The following ROBO1 variants were observed in gnomAD, a reference collection of about 807,000 sequenced individuals.
ROBO1 encodes the protein roundabout guidance receptor 1.
In ROBO1, 149 loss-of-function variants were observed where a neutral mutation model predicts 195.9. The ratio of observed to expected loss-of-function variants is 0.76; its 90% CI spans 0.67 to 0.87. The LOEUF is 0.87. Among genes scored for constraint, ROBO1 ranks in the 40% least tolerant of loss-of-function variants. The probability of loss-of-function intolerance (pLI) is 0.00; values close to 1 mark genes in which losing one functional copy is unlikely to be tolerated. For missense variants in ROBO1, 1,933 were observed against 2,068.3 expected, an observed-to-expected ratio of 0.93 and a Z score of 1.27; for synonymous variants, 816 against 733.2, an observed-to-expected ratio of 1.11 and a Z score of -1.82.
chr3:79,582,450 A>G (rs1943692204), intron 2 of ROBO1, among the ~76,000 whole-genome samples: 1 of 151,960 alleles, frequency 6.6e-6, no homozygotes. Context: ...TTGGTTTTTA[A>G]TAGTTTTCAT....
intron 2 of ROBO1, among the ~76,000 whole-genome samples, chr3:79,179,483 T>C (rs1365736794): frequency 6.6e-6 from 1 of 152,190 alleles, no homozygotes; most frequent in Non-Finnish European, 1.5e-5. Flanking sequence ...CTGCCTCCTA[T>C]TGCAGACATC....
At chr3:79,096,691 C>T (rs1189506046) in intron 3 of ROBO1, among the ~76,000 whole-genome samples, 5 of 149,792 alleles carry the variant, frequency 3.3e-5, no homozygotes, top group African/African-American at 1.2e-4. Flanking sequence ...TGTATACGTA[C>T]ACACATATTT....
intron 4 of ROBO1, among the ~76,000 whole-genome samples, chr3:78,898,628 A>T (rs556154934): frequency 2.5e-4 from 38 of 151,710 alleles, no homozygotes; most frequent in Non-Finnish European, 4.3e-4. Flanking sequence ...TGACCTCGTG[A>T]TCTGCCCACC....
chr3:79,032,632 A>T (rs777974926), intron 3 of ROBO1, among the ~76,000 whole-genome samples: 1 of 152,052 alleles, frequency 6.6e-6, no homozygotes, highest in African/African-American at 2.4e-5. Flanking sequence ...TTCTCTAAAG[A>T]TTGGATAACA....
chr3:78,662,961 T>C (rs1321757403), intron 14 of ROBO1, among the ~76,000 whole-genome samples: 1 of 152,090 alleles, frequency 6.6e-6, no homozygotes, highest in Admixed American at 6.5e-5. Context: ...AACACAGATG[T>C]TTTGCTTTGT....
Position 79,247,129 on chromosome 3 carries a change from G to GTTTTGTTT in ROBO1, c.89-121591_89-121590insAAACAAAA, listed in dbSNP as rs1553706668. On this transcript the variant is annotated intron_variant, in intron 2 of 30. Transcript: ENST00000464233. The stretch of plus-strand genomic sequence containing the variant: ...AAAAGCATTAAGGCTCCTGTTTACT[G>GTTTTGTTT]TTTTTTTTTTTTTGTAAGAAGTATA... Among the ~76,000 whole-genome samples, 137 of 134,798 alleles carry GTTTTGTTT rather than the reference G, an allele frequency of 1.0e-3. 2 individuals are homozygous for GTTTTGTTT. The highest frequency in any genetic ancestry group is 3.2e-3 in the African/African-American group (114 of 36,152). 88.4% of individuals were successfully genotyped at this position (134,798 alleles called of 152,430 possible). A position where few individuals can be genotyped will look rare whatever the true frequency, so the allele number is the denominator to read the frequency against.
At chr3:78,694,930 C>A (rs1012106803) in intron 8 of ROBO1, among the ~76,000 whole-genome samples, 1 of 151,876 alleles carries the variant, frequency 6.6e-6, no homozygotes, top group Non-Finnish European at 1.5e-5. Flanking sequence ...AATATTTTCA[C>A]GTATTTTCAG....
chr3:79,073,274 G>C (rs1408768802), intron 3 of ROBO1, among the ~76,000 whole-genome samples: 2 of 151,906 alleles, frequency 1.3e-5, no homozygotes. Flanking sequence ...TAATGCATAA[G>C]ATATTAGAAA....
chr3:79,053,677 C>G (rs2078748162), intron 3 of ROBO1, among the ~76,000 whole-genome samples: 1 of 151,918 alleles, frequency 6.6e-6, no homozygotes, highest in Non-Finnish European at 1.5e-5. Flanking sequence ...CCCCCAATAC[C>G]CCTTTCTCAC....
intron 3 of ROBO1, among the ~76,000 whole-genome samples, chr3:79,016,199 C>A (rs1244874865): frequency 6.6e-6 from 1 of 152,166 alleles, no homozygotes; most frequent in Non-Finnish European, 1.5e-5. Context: ...TGCTTTATAA[C>A]TGAACACTGT....
intron 4 of ROBO1, among the ~76,000 whole-genome samples, chr3:78,870,041 T>C (rs747660004): frequency 6.6e-5 from 10 of 152,218 alleles, no homozygotes; most frequent in South Asian, 2.1e-4. Context: ...GGAAATAAGT[T>C]GATACCATGG....
chr3:79,125,756 A>G (rs2096251186), intron 2 of ROBO1, among the ~76,000 whole-genome samples: 1 of 152,050 alleles, frequency 6.6e-6, no homozygotes, highest in Non-Finnish European at 1.5e-5. Context: ...TTTTCTCCTT[A>G]ATTTCCCTAA....
intron 8 of ROBO1, among the ~76,000 whole-genome samples, chr3:78,703,527 A>C (rs913137100): frequency 2.0e-5 from 3 of 151,962 alleles, no homozygotes; most frequent in African/African-American, 7.2e-5. Context: ...CTCTTTCCCC[A>C]TCAGCCCCCC....
At chr3:79,483,753 T>C (rs1938993911) in intron 2 of ROBO1, among the ~76,000 whole-genome samples, 3 of 152,150 alleles carry the variant, frequency 2.0e-5, no homozygotes, top group Non-Finnish European at 4.4e-5. Context: ...GGGTCTATCA[T>C]TGATGGAAGC....
Position 78,857,892 on chromosome 3 carries a change from A to C in ROBO1, c.499+80709T>G, listed in dbSNP as rs374638554. 7.2e-5 allele frequency among the ~76,000 whole-genome samples: 11 copies of C among 152,310 alleles called. No homozygotes were observed. In the South Asian group the frequency reaches 1.0e-3, roughly 14 times the overall value. ...ATCAGTATTACTTTCTAGAAGGATT[A>C]CTTTCAGTAGAGAGAGTGTACTGAA... On this transcript the variant is annotated intron_variant, in intron 4 of 30. Transcript: ENST00000464233.
intron 2 of ROBO1, among the ~76,000 whole-genome samples, chr3:79,585,046 T>C (rs1401682927): frequency 6.6e-6 from 1 of 150,976 alleles, no homozygotes; most frequent in Non-Finnish European, 1.5e-5. Context: ...TTTGTTACAT[T>C]TTATTTGTAG....
intron 4 of ROBO1, among the ~76,000 whole-genome samples, chr3:78,870,773 T>C (rs1026101745): frequency 2.6e-5 from 4 of 152,176 alleles, no homozygotes; most frequent in Admixed American, 6.5e-5. Flanking sequence ...TTCAAAATAC[T>C]GTTAGCAAGA....
At chr3:79,263,177 A>G (rs2082971863) in intron 2 of ROBO1, among the ~76,000 whole-genome samples, 1 of 152,062 alleles carries the variant, frequency 6.6e-6, no homozygotes, top group Non-Finnish European at 1.5e-5. Flanking sequence ...ATAGTTTTCA[A>G]CTTTTTGAGA....
chr3:79,487,875 A>T (rs1270071312), intron 2 of ROBO1, among the ~76,000 whole-genome samples: 1 of 152,192 alleles, frequency 6.6e-6, no homozygotes, highest in Non-Finnish European at 1.5e-5. Context: ...TTTTTTCCCT[A>T]GATAGAAATA....
Sources: gnomAD v4.1 joint callset for allele counts (sites outside exome capture counted in the v4.1 genomes callset) on GRCh38, gnomAD v4.1.1 for gene constraint, MANE v1.5 for transcripts, NCBI Gene and HGNC (gene_info 2026-07-23, HGNC 2026-07-21) for gene names.